The following DPP6 variants were observed in gnomAD, a reference collection of about 807,000 sequenced individuals.
DPP6 encodes the protein A-type potassium channel modulatory protein DPP6.
DPP6 carries 69 observed loss-of-function variants against 122.6 expected under a neutral mutation model. The observed-to-expected ratio is 0.56, with a 90% confidence interval of 0.46 to 0.69. The LOEUF is 0.69. Among genes scored for constraint, DPP6 ranks in the 30% least tolerant of loss-of-function variants. The pLI is 0.00. For missense variants in DPP6, 928 were observed against 1,116.9 expected (o/e 0.83, Z 2.41); for synonymous variants, 418 against 433.1 (o/e 0.97, Z 0.43).
At chr7:154,892,293 C>T (rs775080479) in intron 25 of DPP6, 41 bp from the exon 26 acceptor site, 2 of 1,613,540 alleles carry the variant, frequency 1.2e-6, no homozygotes, top group South Asian at 1.1e-5. Flanking sequence ...CCCTGGGGAG[C>T]GTATACCTGG....
At chr7:153,998,064 G>A (rs971892774) in intron 1 of DPP6, among the ~76,000 whole-genome samples, 17 of 151,422 alleles carry the variant, frequency 1.1e-4, no homozygotes, top group East Asian at 3.9e-4. Flanking sequence ...CCTTGCCACC[G>A]AGTCACCGAC....
chr7:154,662,220 A>T (rs1175482403), intron 6 of DPP6, among the ~76,000 whole-genome samples: 3 of 151,624 alleles, frequency 2.0e-5, no homozygotes, highest in African/African-American at 7.3e-5. Context: ...GCGTTCACGC[A>T]GTCATGGTGA....
intron 1 of DPP6, among the ~76,000 whole-genome samples, chr7:154,034,761 G>T: frequency 6.6e-6 from 1 of 151,176 alleles, no homozygotes; most frequent in East Asian, 1.9e-4. Context: ...AGTATGTGAG[G>T]TTCATTTCAA....
At chr7:154,596,662 G>A (rs1833113055) in intron 5 of DPP6, among the ~76,000 whole-genome samples, 1 of 152,188 alleles carries the variant, frequency 6.6e-6, no homozygotes, top group Non-Finnish European at 1.5e-5. Context: ...CTGGAGATGG[G>A]AATGGAATTA....
intron 17 of DPP6, 100 bp from the exon 18 acceptor site, chr7:154,867,895 T>G (rs936633145): frequency 1.4e-6 from 2 of 1,413,656 alleles, no homozygotes; most frequent in Non-Finnish European, 1.9e-6. Context: ...CCTCTGAGGC[T>G]GATGAAAGCA....
intron 6 of DPP6, among the ~76,000 whole-genome samples, chr7:154,644,065 T>C (rs1250740802): frequency 2.0e-5 from 3 of 152,142 alleles, no homozygotes; most frequent in African/African-American, 7.2e-5. Flanking sequence ...AGGAGGTACC[T>C]AGAGTGCAGA....
intron 1 of DPP6, among the ~76,000 whole-genome samples, chr7:153,995,422 T>C (rs1437116207): frequency 1.3e-5 from 2 of 151,880 alleles, no homozygotes; most frequent in Admixed American, 6.6e-5. Flanking sequence ...CCGTCTCTAC[T>C]AAAAATACAA....
At chr7:154,631,353 G>A (rs908283065) in intron 5 of DPP6, among the ~76,000 whole-genome samples, 1 of 152,234 alleles carries the variant, frequency 6.6e-6, no homozygotes, top group Non-Finnish European at 1.5e-5. Flanking sequence ...ACGTGCTGCA[G>A]GCTGGAAATC....
intron 4 of DPP6, among the ~76,000 whole-genome samples, chr7:154,562,468 A>G (rs1830483009): frequency 6.6e-6 from 1 of 152,188 alleles, no homozygotes; most frequent in African/African-American, 2.4e-5. Flanking sequence ...AAAGATATCT[A>G]TTAAAAATAC....
the DPP6 span, among the ~76,000 whole-genome samples, chr7:153,843,280 G>GCACACACACA: frequency 4.4e-5 from 5 of 113,356 alleles, no homozygotes; most frequent in Admixed American, 2.9e-4. Context: ...ATGCGCGCGC[G>GCACACACACA]CACACACACA....
chr7:154,873,182 T>G (rs1015196261), intron 19 of DPP6, among the ~76,000 whole-genome samples: 1 of 152,266 alleles, frequency 6.6e-6, no homozygotes, highest in Non-Finnish European at 1.5e-5. Context: ...GTTTGGGTTT[T>G]GAGAACAACT....
intron 1 of DPP6, among the ~76,000 whole-genome samples, chr7:154,134,366 T>A (rs1297698297): frequency 6.6e-6 from 1 of 152,068 alleles, no homozygotes; most frequent in Non-Finnish European, 1.5e-5. Flanking sequence ...CTTCCACAGC[T>A]CCTTGTACAG....
chr7:154,543,506 G>A (rs529661717), intron 4 of DPP6, among the ~76,000 whole-genome samples: 2 of 152,284 alleles, frequency 1.3e-5, no homozygotes, highest in African/African-American at 4.8e-5. Flanking sequence ...CAATCCAGCA[G>A]GAAAGCTTTT....
intron 1 of DPP6, among the ~76,000 whole-genome samples, chr7:154,367,351 A>G (rs1006437542): frequency 3.3e-5 from 5 of 152,234 alleles, no homozygotes; most frequent in African/African-American, 9.7e-5. Context: ...GAGTTAGTGT[A>G]ATTTCAAAGT....
intron 19 of DPP6, 110 bp downstream of exon 19, chr7:154,872,803 T>G (rs542637683): frequency 1.3e-6 from 2 of 1,526,008 alleles, no homozygotes; most frequent in Non-Finnish European, 1.8e-6. Flanking sequence ...GAAATGACAT[T>G]GTTGCAAACT....
At chr7:154,374,474 G>A (rs911696152) in intron 1 of DPP6, among the ~76,000 whole-genome samples, 5 of 152,022 alleles carry the variant, frequency 3.3e-5, no homozygotes, top group African/African-American at 9.7e-5. Flanking sequence ...TGCAGACCCC[G>A]CAGGAACTGT....
At chr7:153,815,760 C>T in the DPP6 span, among the ~76,000 whole-genome samples, 1 of 152,178 alleles carries the variant, frequency 6.6e-6, no homozygotes, top group African/African-American at 2.4e-5. Context: ...CTTGCAAAGC[C>T]ATCATCTCTG....
At chr7:154,411,504 G>C (rs902645947) in intron 1 of DPP6, among the ~76,000 whole-genome samples, 4 of 152,146 alleles carry the variant, frequency 2.6e-5, no homozygotes, top group Non-Finnish European at 4.4e-5. Flanking sequence ...GCCTCTCTAA[G>C]TGCGGAGATT....
intron 1 of DPP6, among the ~76,000 whole-genome samples, chr7:154,001,167 C>G (rs989177992): frequency 6.6e-6 from 1 of 151,246 alleles, no homozygotes; most frequent in African/African-American, 2.4e-5. Flanking sequence ...CATGGAAGCT[C>G]AGAAGCAATC....
Sources: allele counts gnomAD v4.1 joint callset (sites outside exome capture counted in the v4.1 genomes callset), GRCh38; gene constraint gnomAD v4.1.1; transcripts MANE v1.5; gene names NCBI Gene and HGNC (gene_info 2026-07-23, HGNC 2026-07-21).